The following PSIP1 variants were observed in gnomAD, a reference collection of about 807,000 sequenced individuals.
The protein encoded by PSIP1 is PC4 and SFRS1-interacting protein.
PSIP1 carries 19 observed loss-of-function variants against 74.7 expected under a neutral mutation model. The observed-to-expected ratio is 0.25, with a 90% CI of 0.18 to 0.37. PSIP1 has a LOEUF of 0.37. Ranked by LOEUF, PSIP1 falls within the 10% of genes least tolerant of loss-of-function variation. The pLI is 1.00. For missense variants in PSIP1, 601 were observed against 614.3 expected, an observed-to-expected ratio of 0.98 and a Z score of 0.23; for synonymous variants, 222 against 195.3, an observed-to-expected ratio of 1.14 and a Z score of -1.14.
intron 4 of PSIP1, among the ~76,000 whole-genome samples, chr9:15,488,379 G>T (rs1190270198): frequency 6.6e-6 from 1 of 152,040 alleles, no homozygotes; most frequent in Admixed American, 6.6e-5. Flanking sequence ...TTTCCACTTT[G>T]TTGCTACCTC....
At chr9:15,471,357 C>T (rs1269049775) in intron 10 of PSIP1, 4 of 1,561,242 alleles carry the variant, frequency 2.6e-6, no homozygotes, top group Non-Finnish European at 3.5e-6. Flanking sequence ...GGAAAGAAAA[C>T]ACAAATATTA....
At chr9:15,506,484 C>T (rs1047484605) in intron 3 of PSIP1, 77 bp downstream of exon 3, 16 of 1,000,110 alleles carry the variant, frequency 1.6e-5, no homozygotes, top group Non-Finnish European at 2.3e-5. Flanking sequence ...TTACGATTTC[C>T]CCCTTGAATT....
intron 3 of PSIP1, chr9:15,504,937 G>C (rs2037516103): frequency 6.6e-6 from 1 of 150,784 alleles, no homozygotes; most frequent in Non-Finnish European, 1.5e-5. Flanking sequence ...TATTCAGTAG[G>C]TCTAGAATAA....
chr9:15,508,375 G>A (rs2037696836), intron 2 of PSIP1, among the ~76,000 whole-genome samples: 1 of 152,146 alleles, frequency 6.6e-6, no homozygotes, highest in African/African-American at 2.4e-5. Context: ...AAATGATGGG[G>A]AAAAGGGAAA....
intron 9 of PSIP1, 82 bp downstream of exon 9, chr9:15,473,914 ACAAAAAAAAAAAC>A (rs2035953948): frequency 1.1e-6 from 1 of 887,176 alleles, no homozygotes; most frequent in African/African-American, 2.2e-5. Context: ...CAAAAAAAAA[ACAAAAAAAAAAAC>A]AAAAAAAAAA....
At chr9:15,497,750 G>A (rs1368948999) in intron 3 of PSIP1, among the ~76,000 whole-genome samples, 2 of 151,918 alleles carry the variant, frequency 1.3e-5, no homozygotes, top group Admixed American at 6.6e-5. Flanking sequence ...TTTCTTTTTG[G>A]AGAAATGAAT....
At chr9:15,471,036 A>G (rs2035804728) in intron 10 of PSIP1, 7 of 1,446,894 alleles carry the variant, frequency 4.8e-6, no homozygotes, top group South Asian at 4.4e-5. Flanking sequence ...AATGCCATTA[A>G]TAATGAAGTC....
intron 3 of PSIP1, among the ~76,000 whole-genome samples, chr9:15,493,436 T>A (rs2036926511): frequency 6.6e-6 from 1 of 152,196 alleles, no homozygotes; most frequent in Admixed American, 6.5e-5. Flanking sequence ...TTTTCCTGTC[T>A]TCTTGTGAGC....
rs1022859408 is a variant in PSIP1, at chr9:15,465,135, CTA to C, written c.*383_*384del. On this transcript the variant is annotated 3_prime_UTR_variant, in exon 16 of 16. Coordinates refer to ENST00000380733, the MANE Select transcript of PSIP1 (RefSeq NM_033222.5). ...CTGGTAAATCCAAGGTTTGTAAAAACTATGCACAAAACCCACAGTATTTGGGA... is the reference window on the plus strand; with the variant it reads ...CTGGTAAATCCAAGGTTTGTAAAAACTGCACAAAACCCACAGTATTTGGGA... The C allele has an allele frequency of 6.4e-5, 15 of 234,100 alleles. No homozygotes were observed. Among genetic ancestry groups the C allele is most frequent in the East Asian group, 6.2e-4 (10 of 16,014 alleles). The allele number at this position is 234,100 out of a possible 1,614,324, so 14.5% of individuals were successfully genotyped here.
chr9:15,468,889 T>G (rs1418726713), intron 13 of PSIP1, 46 bp from the exon 14 acceptor site: 1 of 1,604,678 alleles, frequency 6.2e-7, no homozygotes, highest in South Asian at 1.1e-5. Context: ...CCTAATTGAT[T>G]TTTTAAACAA....
intron 3 of PSIP1, among the ~76,000 whole-genome samples, chr9:15,490,852 A>G (rs527236954): frequency 6.6e-6 from 1 of 152,296 alleles, no homozygotes; most frequent in Non-Finnish European, 1.5e-5. Context: ...TGTTTTTAAA[A>G]TAATCAGTGA....
At chr9:15,485,671 T>G (rs2036529925) in intron 6 of PSIP1, among the ~76,000 whole-genome samples, 1 of 152,190 alleles carries the variant, frequency 6.6e-6, no homozygotes. Context: ...GGTATCAGGA[T>G]TTAGCATAAA....
At chr9:15,497,847 CTGT>C (rs771112135) in intron 3 of PSIP1, among the ~76,000 whole-genome samples, 1 of 152,148 alleles carries the variant, frequency 6.6e-6, no homozygotes, top group Non-Finnish European at 1.5e-5. Context: ...ACTAAATCTA[CTGT>C]TTTCAGCCCA....
chr9:15,497,185 A>G (rs530772163), intron 3 of PSIP1, among the ~76,000 whole-genome samples: 1 of 149,938 alleles, frequency 6.7e-6, no homozygotes, highest in Admixed American at 6.6e-5. Context: ...AATATGGTAA[A>G]TCAATATAAT....
At chr9:15,471,855 C>T in intron 10 of PSIP1, 1 of 973,572 alleles carries the variant, frequency 1.0e-6, no homozygotes, top group Non-Finnish European at 1.2e-6. Flanking sequence ...AAAATCACCT[C>T]ACTAAAACAA....
chr9:15,510,887 C>T lies in PSIP1; in HGVS notation c.-212G>A, dbSNP rs1481404219. 3.3e-5 allele frequency: 5 copies of T among 152,394 alleles called. 1 individual carries two copies. Among genetic ancestry groups the T allele is most frequent in the Admixed American group, 3.3e-4 (5 of 15,280 alleles). 9.4% of individuals were successfully genotyped at this position (152,394 alleles called of 1,614,324 possible). On this transcript the variant is annotated 5_prime_UTR_variant, in exon 1 of 16. Coordinates refer to ENST00000380733, the MANE Select transcript of PSIP1 (RefSeq NM_033222.5). ...CTCTACCCGCGTCCACGCAAGCCAC[C>T]TGCGCCACCAGCTGCCGCAGAGGCG...
At chr9:15,478,918 T>C (rs2036216770) in intron 7 of PSIP1, among the ~76,000 whole-genome samples, 1 of 152,092 alleles carries the variant, frequency 6.6e-6, no homozygotes, top group South Asian at 2.1e-4. Context: ...TACATATCTT[T>C]GGAAGTTCAT....
chr9:15,509,299 T>C (rs925527518), intron 2 of PSIP1, among the ~76,000 whole-genome samples: 2 of 152,238 alleles, frequency 1.3e-5, no homozygotes, highest in Non-Finnish European at 2.9e-5. Context: ...TTAGGTCCTA[T>C]CTATCTCTGT....
chr9:15,508,979 A>G (rs1456333921), intron 2 of PSIP1, among the ~76,000 whole-genome samples: 2 of 152,198 alleles, frequency 1.3e-5, no homozygotes, highest in Admixed American at 1.3e-4. Flanking sequence ...AAAGCTTTGG[A>G]AGGAAACTTG....
Sources: allele counts gnomAD v4.1 joint callset (sites outside exome capture counted in the v4.1 genomes callset), GRCh38; gene constraint gnomAD v4.1.1; transcripts MANE v1.5; gene names NCBI Gene and HGNC (gene_info 2026-07-23, HGNC 2026-07-21).